Variants in UNC5D observed in about 807,000 individuals in gnomAD.
UNC5D encodes unc-5 netrin receptor D.
In UNC5D, 39 loss-of-function variants were observed where a neutral mutation model predicts 105.4. The observed-to-expected ratio is 0.37, with a 90% CI of 0.29 to 0.48. The LOEUF (loss-of-function observed/expected upper bound fraction) is 0.48, where lower values mean the gene tolerates loss of function less well. UNC5D is among the 20% of genes least tolerant of loss of function. The pLI, the probability that UNC5D is intolerant of heterozygous loss-of-function variation, is 0.98. For missense variants in UNC5D, 991 were observed against 1,202.4 expected, an observed-to-expected ratio of 0.82 and a Z score of 2.60; for synonymous variants, 452 against 450.4, an observed-to-expected ratio of 1.00 and a Z score of -0.04.
chr8:35,694,421 T>C (rs9720791), intron 7 of UNC5D, among the ~76,000 whole-genome samples: 1 of 152,290 alleles, frequency 6.6e-6, no homozygotes, highest in African/African-American at 2.4e-5. Context: ...ATTGAGCCTG[T>C]TGGATGTGAA....
intron 1 of UNC5D, chr8:35,525,403 G>C (rs1813793463): frequency 1.2e-6 from 2 of 1,612,010 alleles, no homozygotes; most frequent in Non-Finnish European, 1.7e-6. Flanking sequence ...ATGGTCTTGT[G>C]AATGGTCTGG....
At chr8:35,498,084 CAAAAAAAA>C (rs58175711) in intron 1 of UNC5D, among the ~76,000 whole-genome samples, 3 of 58,148 alleles carry the variant, frequency 5.2e-5, no homozygotes, top group Admixed American at 1.5e-4. Context: ...CAAAACAAAA[CAAAAAAAA>C]AAAAAAAAAA....
chr8:35,719,041 A>G (rs1828418022), intron 8 of UNC5D, among the ~76,000 whole-genome samples: 1 of 151,964 alleles, frequency 6.6e-6, no homozygotes, highest in Admixed American at 6.6e-5. Flanking sequence ...TCTCCCAGGA[A>G]TGAGGGGCGG....
intron 1 of UNC5D, among the ~76,000 whole-genome samples, chr8:35,360,991 T>C (rs1217241947): frequency 6.6e-6 from 1 of 151,990 alleles, no homozygotes; most frequent in Non-Finnish European, 1.5e-5. Context: ...AAAATATATA[T>C]ACTCTCAAAC....
chr8:35,380,137 G>A (rs1802945588), intron 1 of UNC5D, among the ~76,000 whole-genome samples: 1 of 142,868 alleles, frequency 7.0e-6, no homozygotes, highest in South Asian at 2.5e-4. Context: ...CCGAGAGAGA[G>A]AGACAGACAG....
chr8:35,684,530 T>C, intron 5 of UNC5D, 52 bp from the exon 6 acceptor site: 3 of 1,580,400 alleles, frequency 1.9e-6, no homozygotes, highest in East Asian at 2.2e-5. Context: ...TAGTAGGCAA[T>C]CAGTAAAAAC....
At chr8:35,445,882 A>G (rs1448726277) in intron 1 of UNC5D, among the ~76,000 whole-genome samples, 2 of 152,120 alleles carry the variant, frequency 1.3e-5, no homozygotes, top group African/African-American at 4.8e-5. Flanking sequence ...GAAAATTTGG[A>G]AAAATATATA....
At chr8:35,445,999 A>T (rs957618133) in intron 1 of UNC5D, among the ~76,000 whole-genome samples, 1 of 151,760 alleles carries the variant, frequency 6.6e-6, no homozygotes, top group Non-Finnish European at 1.5e-5. Flanking sequence ...GGCATTGACA[A>T]TTTTTTCTTA....
At chr8:35,655,818 T>C (rs924532935) in intron 4 of UNC5D, among the ~76,000 whole-genome samples, 12 of 152,286 alleles carry the variant, frequency 7.9e-5, no homozygotes, top group Non-Finnish European at 1.8e-4. Flanking sequence ...AGCCAAATTA[T>C]AATAAACAGC....
chr8:35,239,577 A>T (rs1483426138), intron 1 of UNC5D, among the ~76,000 whole-genome samples: 1 of 151,678 alleles, frequency 6.6e-6, no homozygotes. Context: ...ATTCCATAGC[A>T]TCCTCTTAAG....
chr8:35,576,103 A>G (rs2589755), intron 3 of UNC5D, among the ~76,000 whole-genome samples: 15,683 of 152,014 alleles, frequency 0.1, 882 homozygotes, highest in African/African-American at 0.14. Context: ...TGTGTACATA[A>G]TTTGCAGGAC....
chr8:35,684,466 G>A, intron 5 of UNC5D, 116 bp from the exon 6 acceptor site: 1 of 1,283,198 alleles, frequency 7.8e-7, no homozygotes, highest in East Asian at 2.5e-5. Flanking sequence ...GGGCTGCACA[G>A]TCTCTCGGTC....
chr8:35,764,140 G>C (rs1286412574), intron 14 of UNC5D, among the ~76,000 whole-genome samples: 2 of 152,120 alleles, frequency 1.3e-5, no homozygotes, highest in Non-Finnish European at 2.9e-5. Context: ...TAGCCATAAT[G>C]GAAGCATAAT....
chr8:35,259,247 C>T (rs1804281268), intron 1 of UNC5D, among the ~76,000 whole-genome samples: 1 of 152,086 alleles, frequency 6.6e-6, no homozygotes, highest in Admixed American at 6.6e-5. Context: ...AGAATTCACA[C>T]ACCAAGGAAG....
chr8:35,331,941 G>A (rs1810661589), intron 1 of UNC5D, among the ~76,000 whole-genome samples: 1 of 152,136 alleles, frequency 6.6e-6, no homozygotes, highest in African/African-American at 2.4e-5. Flanking sequence ...TTCAATATTT[G>A]GTAGGCATCA....
chr8:35,371,278 G>A (rs1200915350), intron 1 of UNC5D, among the ~76,000 whole-genome samples: 1 of 152,036 alleles, frequency 6.6e-6, no homozygotes, highest in Non-Finnish European at 1.5e-5. Flanking sequence ...TACTTCATAT[G>A]CTTCATTGGA....
At chr8:35,535,187 A>G (rs1814742600) in intron 1 of UNC5D, among the ~76,000 whole-genome samples, 1 of 152,238 alleles carries the variant, frequency 6.6e-6, no homozygotes, top group Non-Finnish European at 1.5e-5. Flanking sequence ...ATAGCAAACT[A>G]TAATGGCCTA....
intron 1 of UNC5D, among the ~76,000 whole-genome samples, chr8:35,528,302 T>A (rs1468650300): frequency 1.3e-4 from 19 of 151,164 alleles, no homozygotes; most frequent in African/African-American, 4.6e-4. Flanking sequence ...CAGTGTTTGG[T>A]TTTTTGTTCT....
chr8:35,494,546 G>C, intron 1 of UNC5D, among the ~76,000 whole-genome samples: 1 of 152,098 alleles, frequency 6.6e-6, no homozygotes, highest in East Asian at 1.9e-4. Flanking sequence ...TCTCTAGAAA[G>C]AATTGATTTC....
Sources: gnomAD v4.1 joint callset for allele counts (sites outside exome capture counted in the v4.1 genomes callset) on GRCh38, gnomAD v4.1.1 for gene constraint, MANE v1.5 for transcripts, NCBI Gene and HGNC (gene_info 2026-07-23, HGNC 2026-07-21) for gene names.